Variants in QTGAL observed in about 807,000 individuals in gnomAD.
QTGAL encodes the protein queuosine-tRNA galactosyltransferase, also known as BGnT-like protein 1.
At chr17:82,990,971 C>A in the QTGAL span, among the ~76,000 whole-genome samples, 1,536 of 152,290 alleles carry the variant, frequency 0.01, 30 homozygotes, top group African/African-American at 0.034. Context: ...TTTCCAGCTT[C>A]CAGAATTGTG....
the QTGAL span, among the ~76,000 whole-genome samples, chr17:83,024,587 C>T: frequency 1.3e-5 from 2 of 152,242 alleles, no homozygotes; most frequent in African/African-American, 4.8e-5. Flanking sequence ...GAAAAGCTGG[C>T]AACTGTGCAG....
chr17:83,022,344 A>G, the QTGAL span, among the ~76,000 whole-genome samples: 38 of 120,030 alleles, frequency 3.2e-4, no homozygotes, highest in South Asian at 6.6e-4. Context: ...CACCTGCACC[A>G]GCGTGAACTC....
the QTGAL span, chr17:83,005,658 G>A: frequency 1.4e-6 from 1 of 704,194 alleles, no homozygotes; most frequent in Non-Finnish European, 2.6e-6. This position sits in a 1 kb window ranked among gnomAD's most constrained non-coding sequence, Gnocchi z 5.6. Context: ...ATTCAGCTCA[G>A]GAAAGCAGCG....
At chr17:83,009,939 G>A in the QTGAL span, among the ~76,000 whole-genome samples, 3 of 145,480 alleles carry the variant, frequency 2.1e-5, no homozygotes, top group Non-Finnish European at 4.6e-5. Context: ...CCACTGCTGT[G>A]GGGGAGGGGG....
the QTGAL span, among the ~76,000 whole-genome samples, chr17:83,002,293 C>T: frequency 6.6e-6 from 1 of 152,180 alleles, no homozygotes; most frequent in Non-Finnish European, 1.5e-5. Flanking sequence ...GCGCTCTGAC[C>T]GCGGTCTGGA....
At chr17:82,995,289 A>C in the QTGAL span, among the ~76,000 whole-genome samples, 31 of 152,228 alleles carry the variant, frequency 2.0e-4, no homozygotes, top group African/African-American at 6.8e-4. Context: ...AAAAAAACCT[A>C]AAGACTCCAC....
At chr17:83,044,962 A>C in the QTGAL span, among the ~76,000 whole-genome samples, 501 of 152,334 alleles carry the variant, frequency 3.3e-3, 6 homozygotes, top group African/African-American at 0.012. Flanking sequence ...AAAAAAAGAA[A>C]GAATCTAAAT....
the QTGAL span, among the ~76,000 whole-genome samples, chr17:82,964,607 T>C: frequency 6.3e-3 from 555 of 88,754 alleles, 1 homozygote; most frequent in African/African-American, 0.023. Flanking sequence ...GACGGAGACA[T>C]GGATGCCTGC....
the QTGAL span, among the ~76,000 whole-genome samples, chr17:82,968,865 G>A: frequency 6.6e-6 from 1 of 152,124 alleles, no homozygotes; most frequent in Non-Finnish European, 1.5e-5. Flanking sequence ...CAGGCATGGT[G>A]GCACATGCCT....
chr17:83,011,673 C>T, the QTGAL span, among the ~76,000 whole-genome samples: 11 of 152,182 alleles, frequency 7.2e-5, no homozygotes, highest in Non-Finnish European at 1.3e-4. Flanking sequence ...CACCTAACCG[C>T]GCCATTGGGA....
the QTGAL span, among the ~76,000 whole-genome samples, chr17:83,047,614 C>T: frequency 5.3e-5 from 5 of 93,968 alleles, 1 homozygote; most frequent in East Asian, 7.6e-4. Context: ...TATCAAAGAA[C>T]AAGAAATTTA....
chr17:83,003,022 GCCCGCC>G, the QTGAL span, among the ~76,000 whole-genome samples: 1 of 71,170 alleles, frequency 1.4e-5, no homozygotes, highest in African/African-American at 6.1e-5. Context: ...GGATTCCTGA[GCCCGCC>G]CTCCCGCCCT....
chr17:83,020,612 C>A, the QTGAL span, among the ~76,000 whole-genome samples: 1 of 152,208 alleles, frequency 6.6e-6, no homozygotes, highest in Admixed American at 6.5e-5. Context: ...GCTCACCAGG[C>A]CACCAGCCCA....
chr17:83,010,021 C>T, the QTGAL span, among the ~76,000 whole-genome samples: 3 of 100,304 alleles, frequency 3.0e-5, no homozygotes, highest in Non-Finnish European at 5.9e-5. Flanking sequence ...GTGGGGGCCC[C>T]TGGTGTGGGG....
At chr17:83,002,604 G>GTGCC in the QTGAL span, among the ~76,000 whole-genome samples, 1 of 152,158 alleles carries the variant, frequency 6.6e-6, no homozygotes, top group Non-Finnish European at 1.5e-5. Context: ...GCCCCACAGA[G>GTGCC]GATGGCAGGG....
At chr17:82,955,162 G>T in the QTGAL span, among the ~76,000 whole-genome samples, 1 of 152,196 alleles carries the variant, frequency 6.6e-6, no homozygotes, top group Admixed American at 6.5e-5. Context: ...CTCAGCAAAA[G>T]AAACTATCAT....
chr17:82,954,167 TAAA>T, the QTGAL span, among the ~76,000 whole-genome samples: 2 of 152,082 alleles, frequency 1.3e-5, no homozygotes, highest in Non-Finnish European at 2.9e-5. Context: ...GAGAAAGAAA[TAAA>T]GAGTATTCAG....
chr17:82,988,754 C>G, the QTGAL span, among the ~76,000 whole-genome samples: 1 of 151,948 alleles, frequency 6.6e-6, no homozygotes, highest in Non-Finnish European at 1.5e-5. Context: ...TGATAAAAAG[C>G]TCAACATCAC....
the QTGAL span, among the ~76,000 whole-genome samples, chr17:83,008,729 G>A: frequency 3.3e-5 from 5 of 152,220 alleles, no homozygotes; most frequent in Non-Finnish European, 7.3e-5. Context: ...AGCCTGAGCA[G>A]CTTCGTGGAG....
Sources: gnomAD v4.1 joint callset for allele counts (sites outside exome capture counted in the v4.1 genomes callset) on GRCh38, gnomAD v4.1.1 for gene constraint, Gnocchi (gnomAD v3.1) non-coding constraint, MANE v1.5 for transcripts, NCBI Gene and HGNC (gene_info 2026-07-23, HGNC 2026-07-21) for gene names.